Variants in RFTN1 observed in about 807,000 individuals in gnomAD.
The protein encoded by RFTN1 is raftlin.
Under a neutral mutation model 46.5 loss-of-function variants are expected in RFTN1, and 26 were observed. The observed-to-expected ratio is 0.56, with a 90% CI of 0.41 to 0.78. The LOEUF (loss-of-function observed/expected upper bound fraction) is 0.78. RFTN1 is among the 30% of genes least tolerant of loss of function. RFTN1 has a pLI of 0.00. For synonymous variants in RFTN1, 261 were observed against 284.2 expected, an observed-to-expected ratio of 0.92 and a Z score of 0.82; for missense variants, 693 against 718.7, an observed-to-expected ratio of 0.96 and a Z score of 0.41.
chr3:16,513,491 G>C lies in RFTN1; in HGVS notation c.-58C>G, dbSNP rs1178721666. 1.3e-5 allele frequency: 2 copies of C among 152,222 alleles called. No individual in the cohort carries two copies. The allele number at this position is 152,222 out of a possible 1,614,324, so 9.4% of individuals were successfully genotyped here. A position where few individuals can be genotyped will look rare whatever the true frequency, so the allele number is the denominator to read the frequency against. On this transcript the variant is annotated 5_prime_UTR_variant, in exon 1 of 10. Transcript: ENST00000334133. This position sits in a 1 kb window ranked among gnomAD's most constrained non-coding sequence, Gnocchi z 5.4. The stretch of plus-strand genomic sequence containing the variant: ...GCGCGGTCGCGGGCTCCCTGAGGCA[G>C]CGTGTTCCGTCCCGGGAGGAAAGTT...
At chr3:16,430,790 G>T (rs951495966) in intron 3 of RFTN1, among the ~76,000 whole-genome samples, 1 of 152,204 alleles carries the variant, frequency 6.6e-6, no homozygotes, top group Non-Finnish European at 1.5e-5. Context: ...ATGAAAGTCA[G>T]CTCAAACCCA....
At chr3:16,333,426 G>A (rs1242448325) in intron 7 of RFTN1, among the ~76,000 whole-genome samples, 1 of 152,188 alleles carries the variant, frequency 6.6e-6, no homozygotes, top group Non-Finnish European at 1.5e-5. Context: ...TTAGTAAGCA[G>A]ATGAATTTGC....
At position 16,376,004 on chromosome 3, in the gene RFTN1, A is replaced by G. The variant is rs1242435456; in HGVS notation, c.826+1714T>C. Among the ~76,000 whole-genome samples the G allele has an allele frequency of 6.6e-6, 1 of 152,210 alleles. No individual in the cohort carries two copies. Among genetic ancestry groups the G allele is most frequent in the African/African-American group, 2.4e-5 (1 of 41,446 alleles). Reference sequence around the variant, plus strand: ...GGAAGTTCCTTGGACAAGTTTCCCCAGTGAATAATCCTCTCACAGGAGGCA... The same window carrying G: ...GGAAGTTCCTTGGACAAGTTTCCCCGGTGAATAATCCTCTCACAGGAGGCA... On this transcript the variant is annotated intron_variant, in intron 5 of 9. Coordinates refer to ENST00000334133, the MANE Select transcript of RFTN1 (RefSeq NM_015150.2). The surrounding 1 kb of genome is among the most constrained non-coding windows in gnomAD (Gnocchi z 4.7).
intron 2 of RFTN1, among the ~76,000 whole-genome samples, chr3:16,441,941 C>T (rs989406656): frequency 1.4e-4 from 21 of 152,112 alleles, no homozygotes; most frequent in African/African-American, 4.8e-4. Flanking sequence ...TGATGCAGGA[C>T]TTTTTATTGT....
intron 4 of RFTN1, among the ~76,000 whole-genome samples, chr3:16,389,656 A>G (rs2074300630): frequency 6.6e-6 from 1 of 152,238 alleles, no homozygotes; most frequent in Admixed American, 6.5e-5. Context: ...CTCTCCTAGT[A>G]GAAGAATGAA....
Position 16,428,267 on chromosome 3 carries a change from T to C in RFTN1, c.332+5584A>G, listed in dbSNP as rs1458109550. On this transcript the variant is annotated intron_variant, in intron 3 of 9. Transcript: ENST00000334133. This position sits in a 1 kb window ranked among gnomAD's most constrained non-coding sequence, Gnocchi z 4.7. ...ATGCCAATTCCCACAAATGCTTCCC[T>C]AGGTGCAAAAATTTCACCATCCTAG... 1.3e-5 allele frequency among the ~76,000 whole-genome samples: 2 copies of C among 152,162 alleles called. No homozygotes were observed. Among genetic ancestry groups the C allele is most frequent in the African/African-American group, 4.8e-5 (2 of 41,440 alleles).
At chr3:16,469,462 C>T (rs990275505) in intron 2 of RFTN1, among the ~76,000 whole-genome samples, 1 of 152,176 alleles carries the variant, frequency 6.6e-6, no homozygotes, top group Admixed American at 6.5e-5. Flanking sequence ...AAATCTGGGC[C>T]ACTGGTTAGA....
chr3:16,501,631 T>C (rs184153096), intron 1 of RFTN1, among the ~76,000 whole-genome samples: 1 of 152,186 alleles, frequency 6.6e-6, no homozygotes, highest in South Asian at 2.1e-4. Context: ...GGCAACCCCA[T>C]TTTTTATCTC....
chr3:16,403,700 TTA>T (rs2074679563), intron 4 of RFTN1, among the ~76,000 whole-genome samples: 1 of 25,700 alleles, frequency 3.9e-5, no homozygotes, highest in African/African-American at 1.7e-4. Context: ...AATATATATT[TTA>T]TGTATATAAT....
Position 16,422,935 on chromosome 3 carries a change from A to C in RFTN1, c.332+10916T>G, listed in dbSNP as rs752788060. Among the ~76,000 whole-genome samples the C allele has an allele frequency of 1.6e-4, 24 of 151,712 alleles. No homozygotes were observed. Among genetic ancestry groups the C allele is most frequent in the Non-Finnish European group, 3.4e-4 (23 of 67,876 alleles). ...TAATCCCAGCACTTTGGGAGGCCGA[A>C]GTGGGTGGATCATGAGGTCAGGAGA... is the stretch of plus-strand genomic sequence containing the variant. On this transcript the variant is annotated intron_variant, in intron 3 of 9. Transcript: ENST00000334133. This position sits in a 1 kb window ranked among gnomAD's most constrained non-coding sequence, Gnocchi z 4.6.
chr3:16,489,238 C>T lies in RFTN1; in HGVS notation c.145+4487G>A, dbSNP rs1487990261. 1.3e-5 allele frequency among the ~76,000 whole-genome samples: 2 copies of T among 151,246 alleles called. No homozygotes were observed. Among genetic ancestry groups the T allele is most frequent in the Non-Finnish European group, 1.5e-5 (1 of 67,748 alleles). On this transcript the variant is annotated intron_variant, in intron 2 of 9. Transcript: ENST00000334133. This position sits in a 1 kb window ranked among gnomAD's most constrained non-coding sequence, Gnocchi z 4.0. Reference sequence around the variant, plus strand: ...TTCGAGACCAGCCTGGCCAACATGGCAAAAGCCTGTGTCTACTAAAAATAA... The same window carrying T: ...TTCGAGACCAGCCTGGCCAACATGGTAAAAGCCTGTGTCTACTAAAAATAA...
chr3:16,386,192 T>C (rs1431048051), intron 4 of RFTN1, among the ~76,000 whole-genome samples: 1 of 121,654 alleles, frequency 8.2e-6, no homozygotes, highest in Non-Finnish European at 1.7e-5. Context: ...CATACAGAAA[T>C]GATTTGGGAG....
At chr3:16,363,008 C>A (rs969133560) in intron 6 of RFTN1, among the ~76,000 whole-genome samples, 2 of 152,226 alleles carry the variant, frequency 1.3e-5, no homozygotes, top group African/African-American at 4.8e-5. Context: ...TCACCACCCA[C>A]CTCATCCACT....
At position 16,410,044 on chromosome 3, in the gene RFTN1, A is replaced by C. The variant is rs1165831571; in HGVS notation, c.333-561T>G. On this transcript the variant is annotated intron_variant, in intron 3 of 9. Coordinates refer to ENST00000334133, the MANE Select transcript of RFTN1 (RefSeq NM_015150.2). The surrounding 1 kb of genome is among the most constrained non-coding windows in gnomAD (Gnocchi z 4.6). ...CATTGGGTCTTTAATGAAGCCCCAG[A>C]TTCTTTCCCGAAAGTAACGTCAAAA... 1.3e-5 allele frequency among the ~76,000 whole-genome samples: 2 copies of C among 151,452 alleles called. No individual in the cohort carries two copies. The highest frequency in any genetic ancestry group is 3.9e-4 in the East Asian group (2 of 5,168).
At chr3:16,318,417 T>G (rs2068671226) in intron 9 of RFTN1, among the ~76,000 whole-genome samples, 1 of 152,232 alleles carries the variant, frequency 6.6e-6, no homozygotes, top group Non-Finnish European at 1.5e-5. Context: ...GGAATGCAGT[T>G]GCACCATCAG....
chr3:16,317,237 A>T lies in RFTN1; in HGVS notation c.1333-5T>A. The stretch of plus-strand genomic sequence containing the variant: ...TCTGGAGAATCGCCACTGAAACTAG[A>T]AATCAGAAAGGATGGGGATAAATAA... On this transcript the variant is annotated splice_region_variant and splice_polypyrimidine_tract_variant and intron_variant, in intron 9 of 9. Coordinates refer to ENST00000334133, the MANE Select transcript of RFTN1 (RefSeq NM_015150.2). The surrounding 1 kb of genome is among the most constrained non-coding windows in gnomAD (Gnocchi z 4.3). 6.2e-7 allele frequency: 1 copy of T among 1,611,184 alleles called. No homozygotes were observed. The highest frequency in any genetic ancestry group is 8.5e-7 in the Non-Finnish European group (1 of 1,179,936).
Position 16,459,744 on chromosome 3 carries a change from T to C in RFTN1, c.146-25707A>G, listed in dbSNP as rs1179381437. 1.3e-5 allele frequency among the ~76,000 whole-genome samples: 2 copies of C among 151,776 alleles called. No homozygotes were observed. The highest frequency in any genetic ancestry group is 2.9e-5 in the Non-Finnish European group (2 of 68,034). On this transcript the variant is annotated intron_variant, in intron 2 of 9. Coordinates refer to ENST00000334133, the MANE Select transcript of RFTN1 (RefSeq NM_015150.2). This position sits in a 1 kb window ranked among gnomAD's most constrained non-coding sequence, Gnocchi z 4.2. ...AGCCATCACTTATATCTAGTCAATA[T>C]CATCATGTTATAGAAAAAAGTTGAA... is the stretch of plus-strand genomic sequence containing the variant.
intron 3 of RFTN1, among the ~76,000 whole-genome samples, chr3:16,411,590 A>G (rs2074982084): frequency 6.6e-6 from 1 of 152,266 alleles, no homozygotes; most frequent in Non-Finnish European, 1.5e-5. Context: ...ATACTTGGTC[A>G]GAGACTAGAC....
chr3:16,316,467 T>C lies in RFTN1; in HGVS notation c.*361A>G. 3.3e-6 allele frequency: 1 copy of C among 306,624 alleles called. No homozygotes were observed. The highest frequency in any genetic ancestry group is 6.2e-6 in the Non-Finnish European group (1 of 162,242). The allele number at this position is 306,624 out of a possible 1,614,324, so 19.0% of individuals were successfully genotyped here. ...CTTGGTTTGTAGCCCAGGGTGTCCA[T>C]GGATTTGACCCGAATGCTCCCTGGA... On this transcript the variant is annotated 3_prime_UTR_variant, in exon 10 of 10. Transcript: ENST00000334133. This position sits in a 1 kb window ranked among gnomAD's most constrained non-coding sequence, Gnocchi z 4.5.
Sources: allele counts gnomAD v4.1 joint callset (sites outside exome capture counted in the v4.1 genomes callset), GRCh38; gene constraint gnomAD v4.1.1; non-coding constraint Gnocchi (gnomAD v3.1); transcripts MANE v1.5; gene names NCBI Gene and HGNC (gene_info 2026-07-23, HGNC 2026-07-21).